The following ENOX2 variants were observed in gnomAD, a reference collection of about 807,000 sequenced individuals.
ENOX2 encodes ecto-NOX disulfide-thiol exchanger 2, also known as APK1 antigen.
Under a neutral mutation model 45.0 loss-of-function variants are expected in ENOX2, and 36 were observed. The ratio of observed to expected loss-of-function variants is 0.80; its 90% confidence interval spans 0.61 to 1.06. The LOEUF (loss-of-function observed/expected upper bound fraction) is 1.06, where lower values mean the gene tolerates loss of function less well. Ranked by LOEUF, ENOX2 falls within the 50% of genes least tolerant of loss-of-function variation. The probability of loss-of-function intolerance (pLI) is 0.00; values close to 1 mark genes in which losing one functional copy is unlikely to be tolerated. For missense variants in ENOX2, 423 were observed against 462.5 expected (o/e 0.91, Z 0.78); for synonymous variants, 174 against 152.3 (o/e 1.14, Z -1.05).
chrX:130,833,734 T>C (rs921570124), intron 2 of ENOX2, among the ~76,000 whole-genome samples: 1 of 111,798 alleles, frequency 8.9e-6, no homozygotes, highest in African/African-American at 3.2e-5. Context: ...CCTCAAACCA[T>C]TCTTGCCCTG....
chrX:130,657,754 CT>C (rs2036584959), intron 9 of ENOX2, among the ~76,000 whole-genome samples: 1 of 111,976 alleles, frequency 8.9e-6, no homozygotes, highest in Non-Finnish European at 1.9e-5. Flanking sequence ...AATCCAGAGT[CT>C]TCACAACATA....
At chrX:130,867,089 ATAAC>A (rs1413629917) in intron 2 of ENOX2, among the ~76,000 whole-genome samples, 1 of 111,842 alleles carries the variant, frequency 8.9e-6, no homozygotes. Flanking sequence ...GTTTACAAAA[ATAAC>A]TATTTTCTAA....
chrX:130,885,143 T>C (rs190647168), intron 2 of ENOX2, among the ~76,000 whole-genome samples: 10 of 112,291 alleles, frequency 8.9e-5, no homozygotes, highest in African/African-American at 2.6e-4. Flanking sequence ...AGACTAAAAA[T>C]AGTTTTGAAA....
intron 2 of ENOX2, among the ~76,000 whole-genome samples, chrX:130,870,390 G>A (rs932487274): frequency 1.8e-5 from 2 of 112,017 alleles, no homozygotes; most frequent in African/African-American, 3.2e-5. Context: ...AACACATTTA[G>A]AGTTTGAATA....
chrX:130,718,886 G>A (rs1041645779), intron 3 of ENOX2, among the ~76,000 whole-genome samples: 2 of 111,762 alleles, frequency 1.8e-5, no homozygotes, highest in Non-Finnish European at 3.8e-5. Flanking sequence ...GGAGCCCAGG[G>A]CAGAAAGTAG....
At chrX:130,633,007 G>C (rs1417682039) in intron 12 of ENOX2, among the ~76,000 whole-genome samples, 1 of 112,119 alleles carries the variant, frequency 8.9e-6, no homozygotes, top group Non-Finnish European at 1.9e-5. Flanking sequence ...AATATTCTGG[G>C]AAGTTTTAGC....
At chrX:130,811,426 A>C (rs1234602781) in intron 2 of ENOX2, among the ~76,000 whole-genome samples, 1 of 111,988 alleles carries the variant, frequency 8.9e-6, no homozygotes, top group African/African-American at 3.3e-5. Context: ...CTCCAGGCTC[A>C]ACCCCAACCA....
At chrX:130,634,722 G>A (rs1382694647) in intron 12 of ENOX2, among the ~76,000 whole-genome samples, 1 of 111,677 alleles carries the variant, frequency 9.0e-6, no homozygotes, top group Admixed American at 9.5e-5. Flanking sequence ...CTCCAAGAGA[G>A]AAGACTGAGG....
At chrX:130,751,217 A>G (rs2148333596) in intron 3 of ENOX2, among the ~76,000 whole-genome samples, 1 of 111,580 alleles carries the variant, frequency 9.0e-6, no homozygotes, top group South Asian at 3.8e-4. Flanking sequence ...CCCTTCCCCT[A>G]GCCACCGGCA....
intron 3 of ENOX2, among the ~76,000 whole-genome samples, chrX:130,734,395 T>C (rs914019947): frequency 9.0e-6 from 1 of 111,541 alleles, no homozygotes; most frequent in African/African-American, 3.3e-5. Context: ...GAGTATTCTT[T>C]TGCTTGGCCT....
chrX:130,628,236 G>T (rs947901867), intron 13 of ENOX2, among the ~76,000 whole-genome samples, 193 bp from the exon 14 acceptor site: 1 of 112,281 alleles, frequency 8.9e-6, no homozygotes, highest in African/African-American at 3.2e-5. Flanking sequence ...CCAGTTCACA[G>T]CTGAGGACAC....
At chrX:130,850,489 A>G (rs2078185741) in intron 2 of ENOX2, among the ~76,000 whole-genome samples, 2 of 112,289 alleles carry the variant, frequency 1.8e-5, no homozygotes, top group Admixed American at 1.9e-4. Flanking sequence ...TTATAAGAAA[A>G]GCCATCAAAT....
intron 9 of ENOX2, among the ~76,000 whole-genome samples, chrX:130,660,136 C>T (rs2036649136): frequency 9.0e-6 from 1 of 111,594 alleles, no homozygotes; most frequent in African/African-American, 3.3e-5. Flanking sequence ...GGCAGGCAAA[C>T]TGGCAGAGCT....
chrX:130,665,862 G>A, intron 8 of ENOX2, 113 bp from the exon 9 acceptor site: 1 of 499,607 alleles, frequency 2.0e-6, no homozygotes, highest in Non-Finnish European at 3.5e-6. Flanking sequence ...GTATCTTGTT[G>A]TTATGACACT....
At chrX:130,699,565 G>T in intron 4 of ENOX2, among the ~76,000 whole-genome samples, 1 of 111,482 alleles carries the variant, frequency 9.0e-6, no homozygotes, top group Non-Finnish European at 1.9e-5. Context: ...GCTCCATGAG[G>T]CTTATTTGCT....
At chrX:130,808,053 T>C (rs376151327) in intron 2 of ENOX2, among the ~76,000 whole-genome samples, 2 of 112,109 alleles carry the variant, frequency 1.8e-5, no homozygotes, top group Admixed American at 9.4e-5. Context: ...TTGCCCTAGA[T>C]ACCTGAGCTT....
intron 6 of ENOX2, among the ~76,000 whole-genome samples, chrX:130,679,107 C>T (rs1477741403): frequency 9.0e-6 from 1 of 111,528 alleles, no homozygotes; most frequent in Non-Finnish European, 1.9e-5. Flanking sequence ...AGTGGGGAGA[C>T]AGGTCAGAGA....
intron 2 of ENOX2, among the ~76,000 whole-genome samples, chrX:130,897,973 T>C: frequency 9.0e-6 from 1 of 111,260 alleles, no homozygotes; most frequent in African/African-American, 3.3e-5. Flanking sequence ...TGCCCCAAAG[T>C]AAGACAATGG....
chrX:130,748,782 G>A (rs1451626223), intron 3 of ENOX2, among the ~76,000 whole-genome samples: 2 of 111,719 alleles, frequency 1.8e-5, no homozygotes, highest in East Asian at 5.6e-4. Flanking sequence ...TTTCTCCTGC[G>A]AATGTTAGTT....
Sources: gnomAD v4.1 joint callset for allele counts (sites outside exome capture counted in the v4.1 genomes callset) on GRCh38, gnomAD v4.1.1 for gene constraint, MANE v1.5 for transcripts, NCBI Gene and HGNC (gene_info 2026-07-23, HGNC 2026-07-21) for gene names.